The following TLCD3B variants were observed in gnomAD, a reference collection of about 807,000 sequenced individuals.
TLCD3B encodes the protein ceramide synthase.
A neutral mutation model predicts 23.0 loss-of-function variants in TLCD3B; 9 were observed. That is an observed-to-expected ratio of 0.39 (90% CI 0.24 to 0.68). The LOEUF (loss-of-function observed/expected upper bound fraction) is 0.68. Among genes scored for constraint, TLCD3B ranks in the 30% least tolerant of loss-of-function variants. The probability of loss-of-function intolerance (pLI) is 0.44; values close to 1 mark genes in which losing one functional copy is unlikely to be tolerated. For synonymous variants in TLCD3B, 161 were observed against 161.0 expected (o/e 1.00, Z 0.00); for missense variants, 307 against 371.8 (o/e 0.83, Z 1.43).
rs1007122415 is a variant in TLCD3B, at chr16:30,029,467, G to T, written c.174C>A (p.Ile58=). The T allele has an allele frequency of 6.2e-7, 1 of 1,614,066 alleles. No homozygotes were observed. The highest frequency in any genetic ancestry group is 8.5e-7 in the Non-Finnish European group (1 of 1,179,976). The change falls in exon 2 of 5, where the codon ATC becomes ATA. Residue 58 remains isoleucine (I), a synonymous_variant. Transcript: ENST00000380495. The surrounding 1 kb of genome is among the most constrained non-coding windows in gnomAD (Gnocchi z 4.6). ...QAIMASTAGY[I]VSTSCKHIID... is the part of the protein sequence containing the mutation. ...TGATGTGCTTGCAGGAGGTGGAGAC[G>T]ATGTAGCCGGCAGTGGAGGCCATGA...
chr16:30,039,778 G>A (rs2071543724), intron 3 of TLCD3B, among the ~76,000 whole-genome samples: 1 of 151,880 alleles, frequency 6.6e-6, no homozygotes, highest in South Asian at 2.1e-4. Context: ...TGCTCGGCCA[G>A]TGTTTGCTTC....
At chr16:30,040,268 C>T (rs1235649436) in intron 3 of TLCD3B, among the ~76,000 whole-genome samples, 1 of 151,492 alleles carries the variant, frequency 6.6e-6, no homozygotes, top group Non-Finnish European at 1.5e-5. Flanking sequence ...CATGCCAATG[C>T]ATAGAAACTA....
upstream of TLCD3B, chr16:30,035,470 G>A: frequency 7.8e-7 from 1 of 1,289,462 alleles, no homozygotes; most frequent in Non-Finnish European, 1.0e-6. Flanking sequence ...CGAACAGCAG[G>A]GTCATGCCTG....
At chr16:30,029,000 T>C (rs1342123819) in intron 2 of TLCD3B, among the ~76,000 whole-genome samples, 1 of 152,158 alleles carries the variant, frequency 6.6e-6, no homozygotes, top group Non-Finnish European at 1.5e-5. Context: ...ATCTCTCCCT[T>C]GTCCTCTCCC....
At position 30,029,072 on chromosome 16, in the gene TLCD3B, A is replaced by C. The variant is rs1283830919; in HGVS notation, c.209+360T>G. ...GGAAGGGCTGAGGGGTGAGCCTGGC[A>C]TGAGGAGGGGGCACCCCATCTGGGT... On this transcript the variant is annotated intron_variant, in intron 2 of 4. Coordinates refer to ENST00000380495, the MANE Select transcript of TLCD3B (RefSeq NM_031478.6). This position sits in a 1 kb window ranked among gnomAD's most constrained non-coding sequence, Gnocchi z 4.6. Among the ~76,000 whole-genome samples, 1 of 152,128 alleles carries C rather than the reference A, an allele frequency of 6.6e-6. No individual in the cohort carries two copies. The highest frequency in any genetic ancestry group is 2.1e-4 in the South Asian group (1 of 4,828).
In TLCD3B at chr16:30,030,652, G is replaced by C; in HGVS notation, c.-125C>G. ...AGGAGGGAGAAAACGATGAGAAGGG[G>C]CACAAAGGGGCCAGGGCGGGGACGG... On this transcript the variant is annotated 5_prime_UTR_variant, in exon 1 of 5. Coordinates refer to ENST00000380495, the MANE Select transcript of TLCD3B (RefSeq NM_031478.6). The C allele has an allele frequency of 8.2e-7, 1 of 1,212,230 alleles. No individual in the cohort carries two copies. 75.1% of individuals were successfully genotyped at this position (1,212,230 alleles called of 1,614,324 possible). A position where few individuals can be genotyped will look rare whatever the true frequency, so the allele number is the denominator to read the frequency against.
At chr16:30,035,152 T>A, upstream of TLCD3B, 1 of 429,932 alleles carries the variant, frequency 2.3e-6, no homozygotes, top group East Asian at 7.8e-5. Flanking sequence ...CCTCAGGTGA[T>A]CCACCTGCCT....
At chr16:30,028,698 GTT>G (rs1596743880) in intron 2 of TLCD3B, among the ~76,000 whole-genome samples, 1 of 152,276 alleles carries the variant, frequency 6.6e-6, no homozygotes, top group East Asian at 1.9e-4. Context: ...GCGTCCAAAT[GTT>G]CCCTGGGACT....
At chr16:30,052,141 C>T (rs1345216339) in intron 1 of TLCD3B, among the ~76,000 whole-genome samples, 2 of 151,920 alleles carry the variant, frequency 1.3e-5, no homozygotes, top group Non-Finnish European at 2.9e-5. Context: ...CCAAGGCGGG[C>T]GGGATTGCCT....
chr16:30,028,759 G>A (rs1210057061), intron 2 of TLCD3B, among the ~76,000 whole-genome samples: 2 of 152,172 alleles, frequency 1.3e-5, no homozygotes, highest in South Asian at 2.1e-4. Flanking sequence ...CAAAGGGGGC[G>A]TTGTGGGCAC....
At position 30,030,376 on chromosome 16, in the gene TLCD3B, G is replaced by A. The variant is rs138153103; in HGVS notation, c.125+27C>T. ...CCTGAGAAGCCCAAGAAGCAGACAG[G>A]GGCTGAGGGGAAAGAAAGTGGTTTA... On this transcript the variant is annotated intron_variant, in intron 1 of 4. Transcript: ENST00000380495. 1.2e-4 allele frequency: 181 copies of A among 1,538,214 alleles called. No homozygotes were observed. The African/African-American group carries it at 2.2e-3, about 19-fold the overall frequency.
rs115356962 is a variant in TLCD3B, at chr16:30,043,488, G to A, written c.-228-2332C>T. Among the ~76,000 whole-genome samples the A allele has an allele frequency of 9.4e-3, 1,435 of 151,874 alleles. 16 individuals are homozygous for A. Among genetic ancestry groups the A allele is most frequent in the African/African-American group, 0.032 (1,341 of 41,400 alleles). ...AAGCATTCTCCTACCTTGGCCTCCC[G>A]AAGTGCTGGGATTATAGGCACAAAT... On this transcript the variant is annotated intron_variant, in intron 2 of 6. Coordinates refer to the TLCD3B transcript ENST00000561666.
chr16:30,036,398 C>G (rs1449610697), intron 3 of TLCD3B: 1 of 1,285,630 alleles, frequency 7.8e-7, no homozygotes, highest in South Asian at 1.2e-5. Context: ...GAAAGACCTC[C>G]CCTCCCATCT....
upstream of TLCD3B, chr16:30,035,300 G>A: frequency 7.8e-7 from 1 of 1,284,542 alleles, no homozygotes; most frequent in African/African-American, 1.5e-5. Flanking sequence ...TAAAAGATCA[G>A]TTCCACCAGC....
rs1344740688 is a variant in TLCD3B, at chr16:30,025,193, G to A, written c.815C>T (p.Ala272Val). The A allele has an allele frequency of 6.8e-7, 1 of 1,473,734 alleles. No individual in the cohort carries two copies. Among genetic ancestry groups the A allele is most frequent in the Non-Finnish European group, 8.9e-7 (1 of 1,117,772 alleles). 91.3% of individuals were successfully genotyped at this position (1,473,734 alleles called of 1,614,324 possible). The change falls in exon 5 of 5, where the codon GCC becomes GTC. Residue 272 changes from alanine (A) to valine (V), a missense_variant. Transcript: ENST00000380495. The surrounding 1 kb of genome is among the most constrained non-coding windows in gnomAD (Gnocchi z 4.1). ...PRSRPPPACQ[A>V]QD ...TCCCGGCCCCCGGCCTCAGTCCTGGGCCTGGCAGGCCGGGGGCGGCCGGGA... is the reference window on the plus strand; with the variant it reads ...TCCCGGCCCCCGGCCTCAGTCCTGGACCTGGCAGGCCGGGGGCGGCCGGGA...
intron 3 of TLCD3B, among the ~76,000 whole-genome samples, chr16:30,038,862 C>T (rs1193261102): frequency 6.6e-6 from 1 of 152,084 alleles, no homozygotes; most frequent in Non-Finnish European, 1.5e-5. Flanking sequence ...AAAACAGAGG[C>T]ACAGAGAGGT....
Position 30,025,364 on chromosome 16 carries a change from T to C in TLCD3B, c.644A>G (p.Tyr215Cys). ...CAGGGGCAGGCCGGCATGGCGCCCG[T>C]AGGCCCAGTACAGGTAGGGAAAGAG... ...VLLFPYLYWA[Y>C]GRHAGLPLLA... The change falls in exon 5 of 5, where the codon TAC (tyrosine) becomes TGC (cysteine). Residue 215 changes from tyrosine (Y) to cysteine (C), a missense_variant. Coordinates refer to ENST00000380495, the MANE Select transcript of TLCD3B (RefSeq NM_031478.6). This position sits in a 1 kb window ranked among gnomAD's most constrained non-coding sequence, Gnocchi z 4.1. 6.2e-7 allele frequency: 1 copy of C among 1,603,014 alleles called. No individual in the cohort carries two copies. Among genetic ancestry groups the C allele is most frequent in the Non-Finnish European group, 8.5e-7 (1 of 1,174,768 alleles).
At chr16:30,048,487 C>T (rs2071705927) in intron 1 of TLCD3B, among the ~76,000 whole-genome samples, 1 of 152,114 alleles carries the variant, frequency 6.6e-6, no homozygotes, top group Non-Finnish European at 1.5e-5. Context: ...GAAAGCCCTG[C>T]CAGTCCCTGA....
Position 30,025,877 on chromosome 16 carries a change from G to GCCC in TLCD3B, c.445-59_445-57dup. ...GGGGCTCTCCCTGGGTTCTTGGGCA[G>GCCC]CCCCCGCCCTTCCTCTTTCCCCTCT... On this transcript the variant is annotated intron_variant, in intron 3 of 4. Transcript: ENST00000380495. The surrounding 1 kb of genome is among the most constrained non-coding windows in gnomAD (Gnocchi z 4.1). 7.3e-7 allele frequency: 1 copy of GCCC among 1,379,150 alleles called. No individual in the cohort carries two copies. Among genetic ancestry groups the GCCC allele is most frequent in the South Asian group, 1.2e-5 (1 of 84,820 alleles). The allele number at this position is 1,379,150 out of a possible 1,614,324, so 85.4% of individuals were successfully genotyped here. A position where few individuals can be genotyped will look rare whatever the true frequency, so the allele number is the denominator to read the frequency against.
Sources: gnomAD v4.1 joint callset for allele counts (sites outside exome capture counted in the v4.1 genomes callset) on GRCh38, gnomAD v4.1.1 for gene constraint, Gnocchi (gnomAD v3.1) non-coding constraint, MANE v1.5 for transcripts, NCBI Gene and HGNC (gene_info 2026-07-23, HGNC 2026-07-21) for gene names.